The following PLA2G4E variants were observed in gnomAD, a reference collection of about 807,000 sequenced individuals.
PLA2G4E encodes the protein phospholipase A2 group IVE.
PLA2G4E carries 84 observed loss-of-function variants against 109.1 expected under a neutral mutation model. The ratio of observed to expected loss-of-function variants is 0.77; its 90% CI spans 0.65 to 0.92. PLA2G4E has a LOEUF of 0.92. Ranked by LOEUF, PLA2G4E falls within the 40% of genes least tolerant of loss-of-function variation. The pLI is 0.00. For synonymous variants in PLA2G4E, 469 were observed against 436.1 expected, an observed-to-expected ratio of 1.08 and a Z score of -0.94; for missense variants, 1,057 against 1,076.6, an observed-to-expected ratio of 0.98 and a Z score of 0.25.
intron 13 of PLA2G4E, among the ~76,000 whole-genome samples, chr15:41,990,692 C>G (rs76875148): frequency 0.075 from 11,210 of 150,092 alleles, 924 homozygotes; most frequent in East Asian, 0.19. Flanking sequence ...AAAGAAGTTT[C>G]CCTTCCTCCG....
chr15:42,043,958 T>C lies in PLA2G4E; in HGVS notation c.183+6563A>G, dbSNP rs1001608981. Among the ~76,000 whole-genome samples the C allele has an allele frequency of 2.0e-5, 3 of 152,106 alleles. No homozygotes were observed. The South Asian group carries it at 6.2e-4, about 32-fold the overall frequency. On this transcript the variant is annotated intron_variant, in intron 1 of 19. Coordinates refer to ENST00000399518, the Ensembl canonical transcript of PLA2G4E. ...TCTTTTTGCTACAGGACAAATAAAT[T>C]GGAAAGAACTAACCGTAAGTGTACT... is the stretch of plus-strand genomic sequence containing the variant.
At chr15:41,985,716 A>T in intron 18 of PLA2G4E, 123 bp downstream of exon 18, 1 of 1,248,384 alleles carries the variant, frequency 8.0e-7, no homozygotes. Flanking sequence ...GCTTCCTCTG[A>T]TGCTCTCTGG....
chr15:42,010,457 T>C (rs968154505), intron 2 of PLA2G4E, among the ~76,000 whole-genome samples: 1 of 152,206 alleles, frequency 6.6e-6, no homozygotes, highest in Non-Finnish European at 1.5e-5. Context: ...TCAGTTCTTT[T>C]GCAGAGAGCT....
At chr15:42,008,560 G>A (rs2068501011) in intron 2 of PLA2G4E, among the ~76,000 whole-genome samples, 1 of 152,194 alleles carries the variant, frequency 6.6e-6, no homozygotes. Flanking sequence ...GTGTGATGTT[G>A]CTGGATATGC....
At chr15:42,003,671 C>A (rs2068443391) in intron 5 of PLA2G4E, among the ~76,000 whole-genome samples, 1 of 152,208 alleles carries the variant, frequency 6.6e-6, no homozygotes, top group South Asian at 2.1e-4. Context: ...GTTTGAAGAT[C>A]CCCTAGGCAG....
At chr15:42,022,984 G>C (rs1349568321) in intron 1 of PLA2G4E, among the ~76,000 whole-genome samples, 2 of 152,248 alleles carry the variant, frequency 1.3e-5, no homozygotes, top group African/African-American at 4.8e-5. Context: ...TCAACAGCTA[G>C]TGAGCCTAGG....
intron 1 of PLA2G4E, among the ~76,000 whole-genome samples, chr15:42,023,976 G>A (rs746847134): frequency 1.3e-5 from 2 of 152,178 alleles, no homozygotes; most frequent in Non-Finnish European, 2.9e-5. Context: ...CTGATCTACT[G>A]GAAAGTATTT....
At chr15:42,005,894 C>T (rs2068470682) in intron 4 of PLA2G4E, 96 bp downstream of exon 4, 3 of 1,436,814 alleles carry the variant, frequency 2.1e-6, no homozygotes, top group Admixed American at 3.8e-5. Flanking sequence ...TGACTGTGTA[C>T]ACAGAGAAGA....
intron 1 of PLA2G4E, among the ~76,000 whole-genome samples, chr15:42,027,744 A>T (rs2665206): frequency 0.57 from 85,739 of 151,570 alleles, 24,729 homozygotes; most frequent in East Asian, 0.71. Flanking sequence ...CTGGTCCTTC[A>T]TGCCCAGGCT....
At chr15:42,032,573 G>A (rs555717708) in intron 1 of PLA2G4E, among the ~76,000 whole-genome samples, 3 of 152,346 alleles carry the variant, frequency 2.0e-5, no homozygotes, top group South Asian at 4.1e-4. Flanking sequence ...ACAGAACACC[G>A]GGTGGGGAGA....
At chr15:42,002,094 G>A (rs1001641889) in intron 6 of PLA2G4E, among the ~76,000 whole-genome samples, 1 of 152,038 alleles carries the variant, frequency 6.6e-6, no homozygotes, top group African/African-American at 2.4e-5. Context: ...CAGATCGCTT[G>A]AGCTCAGGAG....
intron 1 of PLA2G4E, among the ~76,000 whole-genome samples, chr15:42,047,318 G>T (rs758887290): frequency 6.6e-6 from 1 of 152,166 alleles, no homozygotes; most frequent in Non-Finnish European, 1.5e-5. Flanking sequence ...GGAAGTCTAA[G>T]GTCAAGGGGT....
At chr15:41,995,521 T>G (rs779123327) in intron 11 of PLA2G4E, 25 bp from the exon 12 acceptor site, 2 of 1,608,588 alleles carry the variant, frequency 1.2e-6, no homozygotes, top group Non-Finnish European at 1.7e-6. Flanking sequence ...AGGCAGGCGG[T>G]TGGGGAAGGC....
At chr15:42,033,981 T>C (rs1889161969) in intron 1 of PLA2G4E, among the ~76,000 whole-genome samples, 1 of 152,136 alleles carries the variant, frequency 6.6e-6, no homozygotes, top group Non-Finnish European at 1.5e-5. Context: ...GTTCAAGTCC[T>C]TTTTCCGGTG....
intron 2 of PLA2G4E, chr15:42,010,142 C>CTCCCG: frequency 2.2e-6 from 1 of 454,254 alleles, no homozygotes; most frequent in South Asian, 1.9e-5. Context: ...GCCCCCCCAC[C>CTCCCG]CCGGGCCTGG....
chr15:41,992,755 C>G, exon 13 of PLA2G4E: 2 of 1,612,406 alleles, frequency 1.2e-6, no homozygotes, highest in Non-Finnish European at 1.7e-6. Flanking sequence ...CCAGGCAGGT[C>G]TCTATCAGCA....
chr15:42,036,594 G>T (rs755008733), intron 1 of PLA2G4E, among the ~76,000 whole-genome samples: 1 of 152,138 alleles, frequency 6.6e-6, no homozygotes, highest in Non-Finnish European at 1.5e-5. Context: ...ACTCCCAAAG[G>T]CTGGGCCAGG....
chr15:42,013,752 C>T, exon 2 of PLA2G4E: 1 of 1,550,136 alleles, frequency 6.5e-7, no homozygotes, highest in Non-Finnish European at 8.7e-7. Context: ...ATGGAGACAG[C>T]CCCTCCTGTG....
chr15:41,994,933 T>G (rs1203297314), intron 12 of PLA2G4E, among the ~76,000 whole-genome samples: 2 of 152,234 alleles, frequency 1.3e-5, no homozygotes, highest in African/African-American at 4.8e-5. Flanking sequence ...AACCCAGTGC[T>G]CAGCCCCTGG....
Sources: allele counts gnomAD v4.1 joint callset (sites outside exome capture counted in the v4.1 genomes callset), GRCh38; gene constraint gnomAD v4.1.1; transcripts MANE v1.5; gene names NCBI Gene and HGNC (gene_info 2026-07-23, HGNC 2026-07-21).